The following TAX1BP1 variants were observed in gnomAD, a reference collection of about 807,000 sequenced individuals.
TAX1BP1 encodes Tax1 binding protein 1, also known as tax1-binding protein 1.
In TAX1BP1, 62 loss-of-function variants were observed where a neutral mutation model predicts 97.7. That is an observed-to-expected ratio of 0.63 (90% CI 0.52 to 0.78). TAX1BP1 has a LOEUF of 0.78. TAX1BP1 is among the 30% of genes least tolerant of loss of function. The pLI is 0.00. For synonymous variants in TAX1BP1, 340 were observed against 304.2 expected, an observed-to-expected ratio of 1.12 and a Z score of -1.23; for missense variants, 867 against 916.1, an observed-to-expected ratio of 0.95 and a Z score of 0.69.
intron 15 of TAX1BP1, among the ~76,000 whole-genome samples, chr7:27,824,572 A>AT (rs1366528851): frequency 6.8e-4 from 103 of 151,440 alleles, no homozygotes; most frequent in African/African-American, 2.1e-3. Flanking sequence ...AAAAAAAAAA[A>AT]ATTACTGTTC....
At chr7:27,805,558 C>T (rs1200581930) in intron 13 of TAX1BP1, among the ~76,000 whole-genome samples, 1 of 152,086 alleles carries the variant, frequency 6.6e-6, no homozygotes, top group African/African-American at 2.4e-5. Flanking sequence ...TATGCTTTGC[C>T]GGGTGCTGTG....
intron 4 of TAX1BP1, 31 bp downstream of exon 4, chr7:27,766,052 T>G: frequency 1.3e-6 from 2 of 1,592,166 alleles, no homozygotes; most frequent in South Asian, 1.1e-5. Context: ...AGTGATTCAT[T>G]GATAATTTTA....
chr7:27,741,365 C>T (rs946677796), intron 1 of TAX1BP1, among the ~76,000 whole-genome samples: 4 of 152,188 alleles, frequency 2.6e-5, no homozygotes, highest in Non-Finnish European at 4.4e-5. Flanking sequence ...CTTTCTCTTT[C>T]GTTCTGTTCC....
intron 13 of TAX1BP1, among the ~76,000 whole-genome samples, chr7:27,809,750 A>T (rs189391938): frequency 6.6e-6 from 1 of 152,188 alleles, no homozygotes; most frequent in Non-Finnish European, 1.5e-5. Flanking sequence ...GGAACTCTAT[A>T]AAGTTGCTTG....
At position 27,793,198 on chromosome 7, in the gene TAX1BP1, C is replaced by G. The variant is rs1474913706; in HGVS notation, c.1396C>G (p.Leu466Val). Residue 466 changes from leucine to valine, a missense_variant, in exon 10 of 17, where the codon CTT becomes GTT. This residue lies in a region of TAX1BP1 where 822 missense variants were observed against 851.4 expected (regional missense o/e 0.97). Transcript: ENST00000396319. Reference protein sequence around the residue: ...CQRLQKQINKLSDQSANNNNV... With the variant: ...CQRLQKQINKVSDQSANNNNV... The stretch of plus-strand genomic sequence containing the variant: ...AAGGCTCCAAAAACAAATAAACAAA[C>G]TTTCAGATCAATCAGTAAGTATCAT... The G allele has an allele frequency of 1.3e-6, 2 of 1,583,908 alleles. No homozygotes were observed. Among genetic ancestry groups the G allele is most frequent in the African/African-American group, 2.8e-5 (2 of 72,582 alleles).
chr7:27,763,967 G>A (rs1003520941), intron 3 of TAX1BP1, among the ~76,000 whole-genome samples: 5 of 152,192 alleles, frequency 3.3e-5, no homozygotes, highest in African/African-American at 1.2e-4. Flanking sequence ...CTTTAAAAAT[G>A]TATGTTGCCA....
Position 27,786,901 on chromosome 7 carries a change from C to T in TAX1BP1, c.853-517C>T, listed in dbSNP as rs151005758. Reference sequence around the variant, plus strand: ...TGTGTTAGGAGCAAATCAGCAATAGCGAGAGTCATGGGAAAATCAATATAG... The same window carrying T: ...TGTGTTAGGAGCAAATCAGCAATAGTGAGAGTCATGGGAAAATCAATATAG... On this transcript the variant is annotated intron_variant, in intron 7 of 16. Transcript: ENST00000396319. 2.0e-4 allele frequency among the ~76,000 whole-genome samples: 30 copies of T among 152,226 alleles called. No individual in the cohort carries two copies. In the East Asian group the frequency reaches 4.1e-3, roughly 21 times the overall value.
intron 2 of TAX1BP1, among the ~76,000 whole-genome samples, chr7:27,750,711 C>G (rs1419108583): frequency 6.6e-6 from 1 of 152,148 alleles, no homozygotes; most frequent in Non-Finnish European, 1.5e-5. Context: ...TTACCTTTTT[C>G]CTGCAGACTA....
intron 11 of TAX1BP1, 91 bp downstream of exon 11, chr7:27,794,537 C>A: frequency 4.4e-6 from 6 of 1,355,978 alleles, no homozygotes; most frequent in South Asian, 4.0e-5. Context: ...TCAGGATGTT[C>A]ATAAAAATTT....
chr7:27,766,129 C>G (rs571655800), intron 4 of TAX1BP1, 108 bp downstream of exon 4: 1 of 1,204,148 alleles, frequency 8.3e-7, no homozygotes, highest in Non-Finnish European at 1.1e-6. Context: ...CCACAAAAAT[C>G]GAATGCTTTG....
chr7:27,744,908 T>C (rs2128306293), intron 1 of TAX1BP1, among the ~76,000 whole-genome samples: 1 of 152,296 alleles, frequency 6.6e-6, no homozygotes, highest in Non-Finnish European at 1.5e-5. Flanking sequence ...TAATATACAG[T>C]TTACAGCATA....
chr7:27,786,924 T>C (rs1001921607), intron 7 of TAX1BP1, among the ~76,000 whole-genome samples: 6 of 152,322 alleles, frequency 3.9e-5, no homozygotes, highest in Non-Finnish European at 7.4e-5. Flanking sequence ...AAAATCAATA[T>C]AGTTGGGTTA....
chr7:27,787,988 A>T (rs553146829), intron 8 of TAX1BP1, among the ~76,000 whole-genome samples: 36 of 152,224 alleles, frequency 2.4e-4, no homozygotes, highest in Non-Finnish European at 4.3e-4. Context: ...CATTGCCCCA[A>T]ATGTATTCTT....
At chr7:27,775,997 C>T (rs1052077258) in intron 5 of TAX1BP1, among the ~76,000 whole-genome samples, 1 of 149,166 alleles carries the variant, frequency 6.7e-6, no homozygotes, top group African/African-American at 2.5e-5. Context: ...GTCTGTTCGT[C>T]TGTCTGTCTT....
At chr7:27,752,625 C>G (rs899274546) in intron 2 of TAX1BP1, among the ~76,000 whole-genome samples, 1 of 152,142 alleles carries the variant, frequency 6.6e-6, no homozygotes, top group South Asian at 2.1e-4. Flanking sequence ...GGGATATAGA[C>G]TGGGTTGGAG....
intron 5 of TAX1BP1, among the ~76,000 whole-genome samples, chr7:27,773,897 T>A (rs1279699879): frequency 1.3e-5 from 2 of 152,104 alleles, no homozygotes; most frequent in African/African-American, 4.8e-5. Flanking sequence ...TAGCTTATAA[T>A]TTTTTTGGAG....
At chr7:27,820,096 C>T (rs945480298) in intron 15 of TAX1BP1, among the ~76,000 whole-genome samples, 8 of 152,276 alleles carry the variant, frequency 5.3e-5, no homozygotes, top group African/African-American at 1.2e-4. Flanking sequence ...ATTTGGGATA[C>T]GCTATTTTAA....
intron 1 of TAX1BP1, among the ~76,000 whole-genome samples, chr7:27,740,938 G>A (rs776705394): frequency 6.6e-6 from 1 of 152,188 alleles, no homozygotes; most frequent in African/African-American, 2.4e-5. Flanking sequence ...TTGCACTCCT[G>A]GCTTAGGGAA....
intron 15 of TAX1BP1, 122 bp from the exon 16 acceptor site, chr7:27,827,616 G>T: frequency 1.4e-6 from 1 of 711,040 alleles, no homozygotes; most frequent in Non-Finnish European, 2.4e-6. Context: ...TTAAATGATA[G>T]CAGAGAGAAA....
Sources: allele counts gnomAD v4.1 joint callset (sites outside exome capture counted in the v4.1 genomes callset), GRCh38; gene constraint gnomAD v4.1.1; regional missense constraint gnomAD v4.1.1; transcripts MANE v1.5; gene names NCBI Gene and HGNC (gene_info 2026-07-23, HGNC 2026-07-21).